The following CACNA1A variants were observed in gnomAD, a reference collection of about 807,000 sequenced individuals.
CACNA1A encodes calcium voltage-gated channel subunit alpha1 A.
Under a neutral mutation model 262.4 loss-of-function variants are expected in CACNA1A, and 57 were observed. That is an observed-to-expected ratio of 0.22 (90% confidence interval 0.18 to 0.27). The LOEUF (loss-of-function observed/expected upper bound fraction) is 0.27, where lower values mean the gene tolerates loss of function less well. Ranked by LOEUF, CACNA1A falls within the 10% of genes least tolerant of loss-of-function variation. The probability of loss-of-function intolerance (pLI) is 1.00; values close to 1 mark genes in which losing one functional copy is unlikely to be tolerated. For synonymous variants in CACNA1A, 1,431 were observed against 1,419.3 expected (o/e 1.01, Z -0.18); for missense variants, 2,526 against 3,562.8 (o/e 0.71, Z 7.41).
intron 6 of CACNA1A, among the ~76,000 whole-genome samples, chr19:13,353,530 G>A (rs534351806): frequency 6.6e-6 from 1 of 152,184 alleles, no homozygotes; most frequent in Admixed American, 6.5e-5. Flanking sequence ...TCATACGGAA[G>A]GACCATACGG....
At chr19:13,394,039 C>T (rs565739766) in intron 3 of CACNA1A, among the ~76,000 whole-genome samples, 2 of 152,186 alleles carry the variant, frequency 1.3e-5, no homozygotes, top group Admixed American at 6.5e-5. Flanking sequence ...ATGTGCTTTT[C>T]TGTATGTATG....
At position 13,448,362 on chromosome 19, in the gene CACNA1A, G is replaced by A. The variant is rs772515387; in HGVS notation, c.539+4514C>T. Among the ~76,000 whole-genome samples, 160 of 152,206 alleles carry A rather than the reference G, an allele frequency of 1.1e-3. 2 individuals are homozygous for A. The highest frequency in any genetic ancestry group is 1.1e-3 in the Non-Finnish European group (75 of 68,016). ...TGGGGCCTTTTGGAGGGTGGAGGGC[G>A]GGAGGAGGAAGATGATCAAGAAAAA... On this transcript the variant is annotated intron_variant, in intron 3 of 46. Coordinates refer to ENST00000360228, the MANE Select transcript of CACNA1A (RefSeq NM_001127222.2).
At chr19:13,366,163 C>G (rs1367616866) in intron 4 of CACNA1A, 1 of 152,034 alleles carries the variant, frequency 6.6e-6, no homozygotes, top group Non-Finnish European at 1.5e-5. Context: ...AGGGTTTCAC[C>G]GTGTTAGCCA....
chr19:13,252,901 G>A (rs1173130635), intron 30 of CACNA1A, 90 bp downstream of exon 30: 5 of 803,394 alleles, frequency 6.2e-6, no homozygotes, highest in Non-Finnish European at 8.1e-6. Flanking sequence ...GGGGTTCTTG[G>A]GGCCACGTTG....
chr19:13,455,041 C>T, intron 2 of CACNA1A, 66 bp downstream of exon 2: 1 of 927,234 alleles, frequency 1.1e-6, no homozygotes, highest in Non-Finnish European at 1.8e-6. Flanking sequence ...TGCCCTGCTC[C>T]ACTCCCCCAA....
intron 3 of CACNA1A, among the ~76,000 whole-genome samples, chr19:13,395,930 C>A (rs1350684005): frequency 6.6e-6 from 1 of 152,232 alleles, no homozygotes; most frequent in East Asian, 1.9e-4. Context: ...GGTTTCCCCA[C>A]TCAGTCTATT....
rs755666888 is a variant in CACNA1A, at chr19:13,207,407, T to C, written c.7427A>G (p.Tyr2476Cys). The change falls in exon 47 of 47, where the codon TAC becomes TGC. Residue 2476 changes from tyrosine (Y) to cysteine (C), a missense_variant. By Grantham distance (194) the Tyr-to-Cys change is radical. This residue lies in a region of CACNA1A where 929 missense variants were observed against 868.1 expected (regional missense o/e 1.07). Coordinates refer to ENST00000360228, the MANE Select transcript of CACNA1A (RefSeq NM_001127222.2). This position sits in a 1 kb window ranked among gnomAD's most constrained non-coding sequence, Gnocchi z 5.7. ...SRHGRRLPNG[Y>C]YPAHGLARPR... is the part of the protein sequence containing the mutation. ...CCTGGCCAGTCCGTGCGCCGGGTAG[T>C]AGCCGTTGGGGAGTCGCCGGCCGTG... The C allele has an allele frequency of 1.3e-6, 2 of 1,534,406 alleles. No individual in the cohort carries two copies. The highest frequency in any genetic ancestry group is 1.7e-6 in the Non-Finnish European group (2 of 1,145,948).
intron 24 of CACNA1A, among the ~76,000 whole-genome samples, chr19:13,269,166 T>A (rs1375513392): frequency 3.9e-5 from 6 of 152,148 alleles, no homozygotes; most frequent in Admixed American, 6.5e-5. Context: ...CCAGCTTCTT[T>A]ACGGATGATT....
chr19:13,239,798 TGTGCATGCGTGC>T (rs898181527), intron 31 of CACNA1A, among the ~76,000 whole-genome samples: 11 of 152,030 alleles, frequency 7.2e-5, no homozygotes, highest in African/African-American at 2.7e-4. Flanking sequence ...TGTGTGTGTG[TGTGCATGCGTGC>T]ATGCATGCAT....
rs951560653 is a variant in CACNA1A at position 13,241,580 on chromosome 19, A to T, written c.4950+3602T>A. ...AGCGGGCGGGCGGGGGCAGTTGGGG[A>T]GGCGTGTTCAGCATTTTTTAGGTTG... On this transcript the variant is annotated intron_variant, in intron 31 of 46. Transcript: ENST00000360228. This position sits in a 1 kb window ranked among gnomAD's most constrained non-coding sequence, Gnocchi z 4.0. The T allele has an allele frequency of 2.0e-6, 2 of 987,234 alleles. No homozygotes were observed. The highest frequency in any genetic ancestry group is 3.0e-6 in the Non-Finnish European group (2 of 656,088). The allele number at this position is 987,234 out of a possible 1,614,324, so 61.2% of individuals were successfully genotyped here.
At chr19:13,383,554 G>C (rs2059556511) in intron 3 of CACNA1A, among the ~76,000 whole-genome samples, 1 of 152,116 alleles carries the variant, frequency 6.6e-6, no homozygotes, top group South Asian at 2.1e-4. Context: ...TGACCACCTT[G>C]TCCCACAACA....
intron 3 of CACNA1A, among the ~76,000 whole-genome samples, chr19:13,374,393 G>A (rs554888370): frequency 2.0e-4 from 31 of 152,108 alleles, no homozygotes; most frequent in African/African-American, 6.7e-4. Flanking sequence ...GACTACAGGT[G>A]TACAACAACA....
chr19:13,228,940 C>G, intron 36 of CACNA1A: 1 of 462,018 alleles, frequency 2.2e-6, no homozygotes, highest in East Asian at 5.0e-5. Context: ...GTCCCCAGTA[C>G]ATTCCCAGAC....
rs746582791 is a variant in CACNA1A at position 13,298,982 on chromosome 19, G to A, written c.2651C>T (p.Ala884Val). ...GCTCAGCTCGGCCTCCTGGCTTCCC[G>A]CCCAGGGCCTCCGTGCGTCCAGGCC... is the stretch of plus-strand genomic sequence containing the variant. ...SAGLDARRPWAGSQEAELSRE... is the reference protein window; with the variant it reads ...SAGLDARRPWVGSQEAELSRE... Residue 884 changes from alanine (A) to valine (V), a missense_variant, in exon 19 of 47, where the codon GCG becomes GTG. Transcript: ENST00000360228. 6.3e-7 allele frequency: 1 copy of A among 1,581,978 alleles called. No homozygotes were observed. The highest frequency in any genetic ancestry group is 1.3e-5 in the African/African-American group (1 of 74,532).
In CACNA1A at chr19:13,303,569, C is replaced by T. The variant is rs2144979185; in HGVS notation, c.2149G>A (p.Ala717Thr). ...VFLAIAVDNL[A>T]NAQELTKDEQ... is the part of the protein sequence containing the mutation. ...ACCTTGGTGAGCTCCTGGGCGTTGG[C>T]CAGATTGTCCACAGCGATGGCCAAG... is the stretch of plus-strand genomic sequence containing the variant. Residue 717 changes from alanine to threonine, a missense_variant, in exon 17 of 47, where the codon GCC (alanine) becomes ACC (threonine). Around this residue, in one of 17 missense-constraint regions of CACNA1A, gnomAD observed 2 missense variants for 34.6 expected, o/e 0.06. Coordinates refer to ENST00000360228, the MANE Select transcript of CACNA1A (RefSeq NM_001127222.2). 6.3e-7 allele frequency: 1 copy of T among 1,599,158 alleles called. No individual in the cohort carries two copies. The highest frequency in any genetic ancestry group is 8.5e-7 in the Non-Finnish European group (1 of 1,171,600).
At chr19:13,439,068 CCT>C (rs766517829) in intron 3 of CACNA1A, among the ~76,000 whole-genome samples, 3 of 151,914 alleles carry the variant, frequency 2.0e-5, no homozygotes, top group South Asian at 2.1e-4. Flanking sequence ...ATCCTGTTCC[CCT>C]GTTTCCTGGT....
chr19:13,242,187 A>G (rs1323586716), intron 31 of CACNA1A, among the ~76,000 whole-genome samples: 1 of 152,194 alleles, frequency 6.6e-6, no homozygotes, highest in African/African-American at 2.4e-5. Flanking sequence ...CTACACACCC[A>G]TTCACAATAA....
At position 13,214,904 on chromosome 19, in the gene CACNA1A, G is replaced by C. The variant is rs1412071650; in HGVS notation, c.5732-296C>G. On this transcript the variant is annotated intron_variant, in intron 38 of 46. Coordinates refer to ENST00000360228, the MANE Select transcript of CACNA1A (RefSeq NM_001127222.2). The surrounding 1 kb of genome is among the most constrained non-coding windows in gnomAD (Gnocchi z 4.1). ...CAATCTTGTCTCCCAGTTATCGGCT[G>C]CATGACTTAGGTTACTCTACCACTT... The C allele has an allele frequency of 4.6e-6, 2 of 436,096 alleles. No homozygotes were observed. Among genetic ancestry groups the C allele is most frequent in the African/African-American group, 2.0e-5 (1 of 50,670 alleles). 27.0% of individuals were successfully genotyped at this position (436,096 alleles called of 1,614,324 possible).
At position 13,207,510 on chromosome 19, in the gene CACNA1A, G is replaced by C; in HGVS notation, c.7324C>G (p.His2442Asp). 7.0e-7 allele frequency: 1 copy of C among 1,430,170 alleles called. No individual in the cohort carries two copies. The highest frequency in any genetic ancestry group is 1.5e-5 in the African/African-American group (1 of 65,844). 88.6% of individuals were successfully genotyped at this position (1,430,170 alleles called of 1,614,324 possible). ...GAYDAPPPVR[H>D]ASSGATGRSP... ...CGCCCGGTGGCGCCCGAGGACGCGTGTCGTACGGGGGGTGGCGCGTCGTAG... is the reference window on the plus strand; with the variant it reads ...CGCCCGGTGGCGCCCGAGGACGCGTCTCGTACGGGGGGTGGCGCGTCGTAG... The change falls in exon 47 of 47, where the codon CAC becomes GAC. Residue 2442 changes from histidine to aspartate, a missense_variant. Coordinates refer to ENST00000360228, the MANE Select transcript of CACNA1A (RefSeq NM_001127222.2). The surrounding 1 kb of genome is among the most constrained non-coding windows in gnomAD (Gnocchi z 5.7).
Sources: allele counts gnomAD v4.1 joint callset (sites outside exome capture counted in the v4.1 genomes callset), GRCh38; gene constraint gnomAD v4.1.1; regional missense constraint gnomAD v4.1.1; non-coding constraint Gnocchi (gnomAD v3.1); transcripts MANE v1.5; gene names NCBI Gene and HGNC (gene_info 2026-07-23, HGNC 2026-07-21).